Variants in AKAP19 observed in about 807,000 individuals in gnomAD.
AKAP19 encodes A-kinase anchoring protein 19, also known as small A-kinase anchoring protein.
the AKAP19 span, among the ~76,000 whole-genome samples, chr2:190,083,956 C>T: frequency 3.9e-5 from 6 of 152,066 alleles, no homozygotes; most frequent in African/African-American, 1.4e-4. Flanking sequence ...TTTGAGACTC[C>T]GAAGCCTATT....
chr2:189,971,657 C>A, the AKAP19 span, among the ~76,000 whole-genome samples: 1 of 152,152 alleles, frequency 6.6e-6, no homozygotes, highest in Non-Finnish European at 1.5e-5. Context: ...TGTTTCCTGA[C>A]TTTTTAATGA....
chr2:190,164,470 C>T, the AKAP19 span, among the ~76,000 whole-genome samples: 1 of 152,102 alleles, frequency 6.6e-6, no homozygotes, highest in Non-Finnish European at 1.5e-5. Flanking sequence ...GTGGAGGTTG[C>T]AGTGAACTAT....
At chr2:190,093,955 A>G in the AKAP19 span, among the ~76,000 whole-genome samples, 1 of 152,202 alleles carries the variant, frequency 6.6e-6, no homozygotes, top group Non-Finnish European at 1.5e-5. Context: ...CTCTGTCCTC[A>G]TCTGTCTTGT....
chr2:189,923,881 C>T, the AKAP19 span: 3 of 1,611,006 alleles, frequency 1.9e-6, no homozygotes, highest in Non-Finnish European at 1.7e-6. Flanking sequence ...ACCTTCAGGC[C>T]ATTAAGAGGG....
chr2:190,004,280 A>T, the AKAP19 span, among the ~76,000 whole-genome samples: 24 of 146,072 alleles, frequency 1.6e-4, no homozygotes, highest in African/African-American at 5.3e-4. Context: ...TAATAATAAT[A>T]AAAAAAAACA....
At chr2:190,007,502 T>C in the AKAP19 span, among the ~76,000 whole-genome samples, 12 of 152,266 alleles carry the variant, frequency 7.9e-5, 1 homozygote, top group East Asian at 1.7e-3. Flanking sequence ...CTTTGGCCCA[T>C]GTTAGGATGT....
chr2:189,986,312 G>C, the AKAP19 span, among the ~76,000 whole-genome samples: 2 of 150,776 alleles, frequency 1.3e-5, no homozygotes, highest in African/African-American at 4.9e-5. Context: ...CTTTCCTGAT[G>C]TTTGAAACAT....
chr2:189,982,123 C>A, the AKAP19 span, among the ~76,000 whole-genome samples: 1 of 152,012 alleles, frequency 6.6e-6, no homozygotes, highest in African/African-American at 2.4e-5. Flanking sequence ...CTAGCTTTTT[C>A]TTTTCTCTCA....
At chr2:190,057,305 A>G in the AKAP19 span, 3 of 1,613,288 alleles carry the variant, frequency 1.9e-6, no homozygotes, top group South Asian at 1.1e-5. Context: ...ATTTTCCCAT[A>G]TATTATTTGT....
chr2:190,083,663 T>C, the AKAP19 span, among the ~76,000 whole-genome samples: 2 of 152,238 alleles, frequency 1.3e-5, no homozygotes, highest in Admixed American at 1.3e-4. Flanking sequence ...GCGTGAGTTA[T>C]GGTGTCCATC....
chr2:190,032,720 T>G, the AKAP19 span, among the ~76,000 whole-genome samples: 2 of 150,322 alleles, frequency 1.3e-5, no homozygotes, highest in Non-Finnish European at 3.0e-5. Context: ...AGAGTTTTGT[T>G]TTTTTTTTTA....
At chr2:190,199,977 T>C in the AKAP19 span, 1 of 1,614,158 alleles carries the variant, frequency 6.2e-7, no homozygotes, top group Non-Finnish European at 8.5e-7. Flanking sequence ...CTAGGATGGC[T>C]TCTCCAGTTA....
the AKAP19 span, among the ~76,000 whole-genome samples, chr2:189,918,172 G>A: frequency 1.1e-4 from 17 of 151,768 alleles, no homozygotes; most frequent in African/African-American, 4.8e-5. Context: ...ATAGATAATA[G>A]ACAATATTAT....
the AKAP19 span, among the ~76,000 whole-genome samples, chr2:189,881,758 T>C: frequency 2.6e-5 from 4 of 152,072 alleles, no homozygotes; most frequent in Non-Finnish European, 5.9e-5. Flanking sequence ...AATAGAAAGA[T>C]TAGAATTCAG....
the AKAP19 span, among the ~76,000 whole-genome samples, chr2:190,144,045 T>G: frequency 1.6e-5 from 2 of 125,818 alleles, no homozygotes; most frequent in Non-Finnish European, 3.4e-5. Context: ...GGGGGAGGGA[T>G]AGTATTGGGA....
At chr2:189,951,268 C>G in the AKAP19 span, among the ~76,000 whole-genome samples, 2 of 121,744 alleles carry the variant, frequency 1.6e-5, no homozygotes, top group East Asian at 5.4e-4. Flanking sequence ...ATGATGCGAT[C>G]TTGGCTCACT....
the AKAP19 span, among the ~76,000 whole-genome samples, chr2:190,124,391 T>A: frequency 6.6e-6 from 1 of 152,252 alleles, no homozygotes; most frequent in Non-Finnish European, 1.5e-5. Context: ...CTGTACAGCA[T>A]GTTACTGTAC....
At chr2:190,200,040 A>C in the AKAP19 span, 1 of 1,614,022 alleles carries the variant, frequency 6.2e-7, no homozygotes, top group African/African-American at 1.3e-5. Flanking sequence ...TGATCTTGGA[A>C]TATGCACACC....
the AKAP19 span, among the ~76,000 whole-genome samples, chr2:190,190,905 G>A: frequency 2.6e-5 from 4 of 152,042 alleles, no homozygotes. Context: ...CTCCAAAAAA[G>A]GTCCCTCCTG....
Sources: allele counts gnomAD v4.1 joint callset (sites outside exome capture counted in the v4.1 genomes callset), GRCh38; gene constraint gnomAD v4.1.1; transcripts MANE v1.5; gene names NCBI Gene and HGNC (gene_info 2026-07-23, HGNC 2026-07-21).